BMAL1: variants seen among roughly 807,000 people sequenced by gnomAD.
The protein encoded by BMAL1 is basic helix-loop-helix ARNT-like protein 1.
the BMAL1 span, among the ~76,000 whole-genome samples, chr11:13,370,557 C>A: frequency 6.6e-6 from 1 of 152,188 alleles, no homozygotes; most frequent in Non-Finnish European, 1.5e-5. Context: ...GCTTCACCAC[C>A]CCACTCTTCA....
At chr11:13,376,925 A>G in the BMAL1 span, among the ~76,000 whole-genome samples, 3 of 152,172 alleles carry the variant, frequency 2.0e-5, no homozygotes, top group Non-Finnish European at 4.4e-5. Context: ...CCGGAATACT[A>G]GGAGCTCACT....
the BMAL1 span, among the ~76,000 whole-genome samples, chr11:13,363,028 T>G: frequency 6.6e-6 from 1 of 151,416 alleles, no homozygotes; most frequent in African/African-American, 2.4e-5. Flanking sequence ...GTGTACTTAC[T>G]AGAGGCTTGG....
chr11:13,356,377 G>T, the BMAL1 span: 3 of 483,236 alleles, frequency 6.2e-6, no homozygotes, highest in Admixed American at 2.4e-5. Context: ...CAGAATGATG[G>T]GGGGGGAGAA....
At chr11:13,379,625 T>C in the BMAL1 span, 3 of 152,192 alleles carry the variant, frequency 2.0e-5, no homozygotes, top group Admixed American at 2.0e-4. Flanking sequence ...ATTTTCTTTA[T>C]GATAACAGGA....
At chr11:13,326,265 T>C in the BMAL1 span, 1 of 151,650 alleles carries the variant, frequency 6.6e-6, no homozygotes, top group Non-Finnish European at 1.5e-5. Flanking sequence ...TCAATGGAGA[T>C]AACTCACTAC....
At chr11:13,310,343 G>A in the BMAL1 span, among the ~76,000 whole-genome samples, 1 of 152,132 alleles carries the variant, frequency 6.6e-6, no homozygotes, top group Admixed American at 6.5e-5. Flanking sequence ...TGTTTTGAAG[G>A]GCAAGCTAGA....
At chr11:13,337,133 A>G in the BMAL1 span, among the ~76,000 whole-genome samples, 1 of 152,248 alleles carries the variant, frequency 6.6e-6, no homozygotes, top group Admixed American at 6.5e-5. Context: ...GTTTCCTTTC[A>G]GTCCTTTCTG....
At chr11:13,316,952 C>T in the BMAL1 span, among the ~76,000 whole-genome samples, 22 of 152,244 alleles carry the variant, frequency 1.4e-4, no homozygotes, top group Admixed American at 3.3e-4. Context: ...GTCTGTCTAG[C>T]GTTGTGACTT....
chr11:13,286,231 T>C, the BMAL1 span, among the ~76,000 whole-genome samples: 1 of 152,222 alleles, frequency 6.6e-6, no homozygotes, highest in Non-Finnish European at 1.5e-5. Flanking sequence ...CATTTGCTGT[T>C]AGCAATCATA....
At chr11:13,350,099 C>G in the BMAL1 span, 2 of 152,234 alleles carry the variant, frequency 1.3e-5, no homozygotes, top group Non-Finnish European at 2.9e-5. Context: ...CTCCCTGCCC[C>G]CTGTGAACTC....
At chr11:13,358,359 C>T in the BMAL1 span, 3 of 1,406,848 alleles carry the variant, frequency 2.1e-6, no homozygotes, top group Non-Finnish European at 2.8e-6. Context: ...ACAGTTACAA[C>T]TCATTTATTT....
chr11:13,376,442 G>C, the BMAL1 span: 3 of 622,814 alleles, frequency 4.8e-6, no homozygotes, highest in Non-Finnish European at 8.8e-6. Context: ...GGAAGGCCTA[G>C]GCAGGCAGTG....
At chr11:13,289,783 T>G in the BMAL1 span, among the ~76,000 whole-genome samples, 4 of 152,246 alleles carry the variant, frequency 2.6e-5, no homozygotes, top group Non-Finnish European at 4.4e-5. Context: ...AGTCTGTCAT[T>G]GATGGACATT....
chr11:13,316,211 G>A, the BMAL1 span, among the ~76,000 whole-genome samples: 1 of 152,304 alleles, frequency 6.6e-6, no homozygotes, highest in South Asian at 2.1e-4. Context: ...TGGTTTCTGT[G>A]GCAGAGCAAT....
At chr11:13,356,420 T>A in the BMAL1 span, 5 of 555,254 alleles carry the variant, frequency 9.0e-6, no homozygotes, top group Non-Finnish European at 3.4e-6. Context: ...AATCCTATGG[T>A]TAACTAAGCA....
the BMAL1 span, among the ~76,000 whole-genome samples, chr11:13,329,332 G>A: frequency 3.9e-5 from 6 of 152,270 alleles, no homozygotes; most frequent in Non-Finnish European, 5.9e-5. Context: ...TCTCAATTTT[G>A]AGTTTGGAAA....
the BMAL1 span, among the ~76,000 whole-genome samples, chr11:13,376,320 G>A: frequency 2.0e-5 from 3 of 152,224 alleles, no homozygotes; most frequent in African/African-American, 4.8e-5. Context: ...GGTAAGAGCT[G>A]TGTGAGGGGC....
chr11:13,380,946 T>C, the BMAL1 span: 1 of 529,548 alleles, frequency 1.9e-6, no homozygotes, highest in Non-Finnish European at 3.4e-6. Flanking sequence ...GCCACACCGA[T>C]TCGTATCTGT....
chr11:13,381,289 C>T, the BMAL1 span: 3 of 1,599,526 alleles, frequency 1.9e-6, no homozygotes, highest in Non-Finnish European at 2.6e-6. Context: ...AGCTAGAGAA[C>T]CTCTTGCCCA....
Sources: allele counts gnomAD v4.1 joint callset (sites outside exome capture counted in the v4.1 genomes callset), GRCh38; gene constraint gnomAD v4.1.1; transcripts MANE v1.5; gene names NCBI Gene and HGNC (gene_info 2026-07-23, HGNC 2026-07-21).